BCL11A: variants seen among roughly 807,000 people sequenced by gnomAD.
The protein encoded by BCL11A is BCL11 transcription factor A, also known as B cell CLL/lymphoma 11A.
BCL11A carries 2 observed loss-of-function variants against 55.9 expected under a neutral mutation model. The observed-to-expected ratio is 0.04, with a 90% CI of 0.01 to 0.11. The LOEUF (loss-of-function observed/expected upper bound fraction) is 0.11, where lower values mean the gene tolerates loss of function less well. Among genes scored for constraint, BCL11A ranks in the 10% least tolerant of loss-of-function variants. The probability of loss-of-function intolerance (pLI) is 1.00; values close to 1 mark genes in which losing one functional copy is unlikely to be tolerated. For missense variants in BCL11A, 817 were observed against 1,137.1 expected (o/e 0.72, Z 4.05); for synonymous variants, 465 against 473.4 (o/e 0.98, Z 0.23).
At chr2:60,494,944 A>C (rs950177703) in intron 2 of BCL11A, among the ~76,000 whole-genome samples, 5 of 152,184 alleles carry the variant, frequency 3.3e-5, no homozygotes, top group African/African-American at 4.8e-5. Flanking sequence ...ACAGATCCTA[A>C]CACAGTAGCT....
At chr2:60,519,614 A>T (rs909849555) in intron 2 of BCL11A, among the ~76,000 whole-genome samples, 1 of 151,276 alleles carries the variant, frequency 6.6e-6, no homozygotes, top group Non-Finnish European at 1.5e-5. Flanking sequence ...TCGCTCCTGA[A>T]ATCTGACGTG....
At chr2:60,499,562 A>G (rs547710818) in intron 2 of BCL11A, 1 of 152,366 alleles carries the variant, frequency 6.6e-6, no homozygotes, top group East Asian at 1.9e-4. Context: ...AAGCTCCTTC[A>G]ACGTCCCACT....
chr2:60,465,510 A>C (rs184167716), intron 3 of BCL11A, among the ~76,000 whole-genome samples: 1 of 152,258 alleles, frequency 6.6e-6, no homozygotes, highest in African/African-American at 2.4e-5. Context: ...ATTTTATTTC[A>C]TTTTACTTTA....
At chr2:60,532,498 T>C (rs1354241511) in intron 2 of BCL11A, among the ~76,000 whole-genome samples, 1 of 152,044 alleles carries the variant, frequency 6.6e-6, no homozygotes, top group Non-Finnish European at 1.5e-5. Flanking sequence ...TATGATTTGG[T>C]TTCCCCCTTA....
intron 1 of BCL11A, among the ~76,000 whole-genome samples, chr2:60,551,360 G>A (rs986825068): frequency 6.6e-6 from 1 of 152,204 alleles, no homozygotes; most frequent in African/African-American, 2.4e-5. Context: ...TGAAGTGCTC[G>A]GGGTCCCAGG....
intron 2 of BCL11A, 91 bp downstream of exon 2, chr2:60,545,880 A>T: frequency 9.6e-7 from 1 of 1,036,936 alleles, no homozygotes. Context: ...TAATAGAGAA[A>T]GCACTTCACA....
chr2:60,552,868 C>T (rs1414683817), intron 1 of BCL11A, among the ~76,000 whole-genome samples: 1 of 135,004 alleles, frequency 7.4e-6, no homozygotes. Context: ...TAGCATTGTT[C>T]ATTATTTTGC....
intron 1 of BCL11A, among the ~76,000 whole-genome samples, chr2:60,551,692 G>A (rs1227474834): frequency 6.6e-6 from 1 of 152,218 alleles, no homozygotes; most frequent in Admixed American, 6.5e-5. Flanking sequence ...AAGAGGTCTC[G>A]GCATTGTGCT....
intron 1 of BCL11A, among the ~76,000 whole-genome samples, chr2:60,549,369 T>C (rs1212618393): frequency 1.3e-5 from 2 of 152,154 alleles, no homozygotes; most frequent in Non-Finnish European, 2.9e-5. Context: ...CAAGTTTGCT[T>C]TCCAAGTCCT....
intron 2 of BCL11A, among the ~76,000 whole-genome samples, chr2:60,509,770 A>C (rs752719482): frequency 1.3e-5 from 2 of 152,134 alleles, no homozygotes; most frequent in Non-Finnish European, 2.9e-5. Flanking sequence ...GAACAGCCAC[A>C]ATCGGGGGGC....
chr2:60,467,899 GGTGGTA>G, intron 3 of BCL11A, among the ~76,000 whole-genome samples: 1 of 106,420 alleles, frequency 9.4e-6, no homozygotes, highest in African/African-American at 3.7e-5. Flanking sequence ...TAGTGATGGT[GGTGGTA>G]ATGGTGGTGG....
chr2:60,468,894 G>A (rs932243677), intron 2 of BCL11A, 61 bp from the exon 3 acceptor site: 2 of 1,000,264 alleles, frequency 2.0e-6, no homozygotes, highest in Non-Finnish European at 1.5e-6. Context: ...ATAAACCACA[G>A]GATATCACAT....
chr2:60,460,191 AAAAAAG>A lies in BCL11A; in HGVS notation c.*207_*212del, dbSNP rs1026100637. 231 of 1,302,320 alleles carry A rather than the reference AAAAAAG, an allele frequency of 1.8e-4. No individual in the cohort carries two copies. In the East Asian group the frequency reaches 1.8e-3, roughly 10 times the overall value. 80.7% of individuals were successfully genotyped at this position (1,302,320 alleles called of 1,614,324 possible). A position where few individuals can be genotyped will look rare whatever the true frequency, so the allele number is the denominator to read the frequency against. On this transcript the variant is annotated 3_prime_UTR_variant, in exon 4 of 4. Transcript: ENST00000642384. The stretch of plus-strand genomic sequence containing the variant: ...AGGAAAAAAAAAAAAAAGGAAAAAG[AAAAAAG>A]AAAAAGAAAAAGAAAAAAAACAGGT...
chr2:60,543,661 TTG>T (rs968345909), intron 2 of BCL11A: 4 of 152,234 alleles, frequency 2.6e-5, no homozygotes, highest in Admixed American at 2.0e-4. Flanking sequence ...ACATCTCACT[TTG>T]AGATGTGACC....
chr2:60,455,023 GC>G (rs1279087591), downstream of BCL11A, among the ~76,000 whole-genome samples: 1 of 152,190 alleles, frequency 6.6e-6, no homozygotes, highest in East Asian at 1.9e-4. Context: ...GTTGGTTCCA[GC>G]CTTTTTGTAG....
At chr2:60,452,747 T>C (rs865844321), downstream of BCL11A, 1 of 1,157,436 alleles carries the variant, frequency 8.6e-7, no homozygotes, top group Non-Finnish European at 1.3e-6. Context: ...GTTCTCTAAC[T>C]AGCTTTTTAA....
intron 2 of BCL11A, among the ~76,000 whole-genome samples, chr2:60,523,339 G>A (rs529538417): frequency 6.6e-6 from 1 of 152,154 alleles, no homozygotes; most frequent in African/African-American, 2.4e-5. Flanking sequence ...TCAATCCAGC[G>A]CTATGTGAAC....
chr2:60,497,854 T>G (rs188426060), intron 2 of BCL11A, among the ~76,000 whole-genome samples: 25 of 152,268 alleles, frequency 1.6e-4, no homozygotes, highest in Non-Finnish European at 2.6e-4. Context: ...AAAAGGATCC[T>G]GCACATTGTC....
chr2:60,542,409 T>G (rs1331407812), intron 2 of BCL11A: 1 of 152,114 alleles, frequency 6.6e-6, no homozygotes, highest in Non-Finnish European at 1.5e-5. Context: ...TCATAAAATA[T>G]GAGACTAAAA....
Sources: gnomAD v4.1 joint callset for allele counts (sites outside exome capture counted in the v4.1 genomes callset) on GRCh38, gnomAD v4.1.1 for gene constraint, MANE v1.5 for transcripts, NCBI Gene and HGNC (gene_info 2026-07-23, HGNC 2026-07-21) for gene names.